Variants in SAXO4 observed in about 807,000 individuals in gnomAD.
SAXO4 encodes the protein stabilizer of axonemal microtubules 4.
the SAXO4 span, chr11:61,490,454 G>C: frequency 5.9e-6 from 9 of 1,533,386 alleles, no homozygotes; most frequent in African/African-American, 1.2e-4. Flanking sequence ...CAAGGTCCAT[G>C]CCCTGCCTGC....
At chr11:61,484,938 G>A in the SAXO4 span, 1 of 1,263,650 alleles carries the variant, frequency 7.9e-7, no homozygotes. Flanking sequence ...GGTGGGCTCA[G>A]GGCGCCAAGA....
the SAXO4 span, among the ~76,000 whole-genome samples, chr11:61,488,331 GTC>G: frequency 2.2e-5 from 3 of 136,844 alleles, no homozygotes; most frequent in Non-Finnish European, 3.1e-5. Flanking sequence ...TTAAGATGGA[GTC>G]TCTCTCTGTC....
At chr11:61,484,791 C>G in the SAXO4 span, 2 of 1,605,348 alleles carry the variant, frequency 1.2e-6, no homozygotes, top group Admixed American at 1.7e-5. Context: ...GGCCAGGACC[C>G]GCTGGAGCGG....
chr11:61,485,086 G>GC, the SAXO4 span, among the ~76,000 whole-genome samples: 2 of 152,108 alleles, frequency 1.3e-5, no homozygotes, highest in Non-Finnish European at 2.9e-5. Flanking sequence ...GTCCCTCTGG[G>GC]CCCCCCACTC....
the SAXO4 span, among the ~76,000 whole-genome samples, chr11:61,483,890 G>A: frequency 4.6e-5 from 7 of 152,100 alleles, no homozygotes; most frequent in African/African-American, 4.8e-5. Context: ...CTCGGGAGGC[G>A]GAGGTTGCAG....
the SAXO4 span, chr11:61,485,884 G>A: frequency 2.7e-5 from 44 of 1,613,656 alleles, no homozygotes; most frequent in African/African-American, 9.3e-5. Context: ...TCTTCCAACC[G>A]CCCTCACAGG....
chr11:61,481,923 G>A, the SAXO4 span: 1 of 1,572,476 alleles, frequency 6.4e-7, no homozygotes, highest in South Asian at 1.2e-5. Flanking sequence ...CCTACGGTGA[G>A]GGTGCCTTTG....
At chr11:61,485,241 C>T in the SAXO4 span, 1 of 1,092,888 alleles carries the variant, frequency 9.2e-7, no homozygotes, top group African/African-American at 1.6e-5. Flanking sequence ...CAGGCTTCCT[C>T]AGAGCACAGA....
At chr11:61,484,561 G>T in the SAXO4 span, 2 of 1,231,284 alleles carry the variant, frequency 1.6e-6, no homozygotes, top group Middle Eastern at 2.1e-4. Context: ...GGACATGCAG[G>T]TTTCATTGTA....
the SAXO4 span, chr11:61,487,205 C>T: frequency 3.7e-6 from 6 of 1,613,920 alleles, no homozygotes; most frequent in Non-Finnish European, 5.1e-6. Context: ...GTGATCCTGA[C>T]AGGGATCAGC....
the SAXO4 span, chr11:61,481,864 G>C: frequency 7.1e-6 from 11 of 1,560,130 alleles, no homozygotes; most frequent in Non-Finnish European, 9.5e-6. Context: ...GATGAGTTCG[G>C]GGGGCTACAC....
the SAXO4 span, chr11:61,490,456 C>G: frequency 6.5e-7 from 1 of 1,548,024 alleles, no homozygotes. Context: ...AGGTCCATGC[C>G]CTGCCTGCCA....
At chr11:61,489,630 C>G in the SAXO4 span, 1 of 742,466 alleles carries the variant, frequency 1.3e-6, no homozygotes, top group Non-Finnish European at 2.3e-6. Context: ...AAGAGTTCCC[C>G]CAGTGGACGT....
chr11:61,481,839 C>A, the SAXO4 span: 1 of 1,530,142 alleles, frequency 6.5e-7, no homozygotes, highest in South Asian at 1.3e-5. Flanking sequence ...TGGGGGTCGT[C>A]TCCCCTTATG....
At chr11:61,487,309 GAGCTCAC>G in the SAXO4 span, 1 of 1,308,658 alleles carries the variant, frequency 7.6e-7, no homozygotes, top group East Asian at 2.3e-5. Context: ...GATAAGTAAT[GAGCTCAC>G]AGCCTCGTGG....
chr11:61,488,126 A>T, the SAXO4 span, among the ~76,000 whole-genome samples: 1 of 151,394 alleles, frequency 6.6e-6, no homozygotes, highest in Non-Finnish European at 1.5e-5. Flanking sequence ...AGCTGGGATT[A>T]CAGGCATGTG....
chr11:61,486,247 C>T, the SAXO4 span: 1 of 1,319,194 alleles, frequency 7.6e-7, no homozygotes, highest in South Asian at 1.2e-5. Flanking sequence ...CTCCTCTGTG[C>T]TCAGCACAGC....
the SAXO4 span, chr11:61,485,534 G>A: frequency 1.2e-6 from 1 of 858,598 alleles, no homozygotes; most frequent in Non-Finnish European, 1.8e-6. Flanking sequence ...ACAGGTGGCT[G>A]GAGGGAAGCG....
the SAXO4 span, among the ~76,000 whole-genome samples, chr11:61,488,398 G>C: frequency 4.0e-5 from 6 of 148,202 alleles, no homozygotes; most frequent in African/African-American, 1.2e-4. Flanking sequence ...CCCGCCTCCC[G>C]GGTTCACGCC....
Sources: gnomAD v4.1 joint callset for allele counts (sites outside exome capture counted in the v4.1 genomes callset) on GRCh38, gnomAD v4.1.1 for gene constraint, MANE v1.5 for transcripts, NCBI Gene and HGNC (gene_info 2026-07-23, HGNC 2026-07-21) for gene names.